CSNK1G1: variants seen among roughly 807,000 people sequenced by gnomAD.
CSNK1G1 encodes casein kinase I isoform gamma-1.
A neutral mutation model predicts 59.6 loss-of-function variants in CSNK1G1; 22 were observed. The observed-to-expected ratio is 0.37, with a 90% CI of 0.26 to 0.53. CSNK1G1 has a LOEUF of 0.53. Among genes scored for constraint, CSNK1G1 ranks in the 20% least tolerant of loss-of-function variants. CSNK1G1 has a pLI of 0.89. For missense variants in CSNK1G1, 384 were observed against 519.5 expected (o/e 0.74, Z 2.54); for synonymous variants, 179 against 177.1 (o/e 1.01, Z -0.08).
Position 64,229,902 on chromosome 15 carries a change from ATTTTTTTTTTTT to A in CSNK1G1, c.293-13201_293-13190del, listed in dbSNP as rs533868270. ...CCTATATTTTTGGGCATGTTTGTAAATTTTTTTTTTTTTTTTTTTTTTTTTTTTTTTTTTTTT... is the reference window on the plus strand; with the variant it reads ...CCTATATTTTTGGGCATGTTTGTAAATTTTTTTTTTTTTTTTTTTTTTTTT... On this transcript the variant is annotated intron_variant, in intron 4 of 11. Transcript: ENST00000303052. Among the ~76,000 whole-genome samples, 341 of 43,802 alleles carry A rather than the reference ATTTTTTTTTTTT, an allele frequency of 7.8e-3. 1 individual carries two copies. Among genetic ancestry groups the A allele is most frequent in the East Asian group, 0.022 (21 of 934 alleles). The allele number at this position is 43,802 out of a possible 152,430, so 28.7% of individuals were successfully genotyped here. A position where few individuals can be genotyped will look rare whatever the true frequency, so the allele number is the denominator to read the frequency against.
At chr15:64,347,116 G>A (rs769605119) in intron 1 of CSNK1G1, among the ~76,000 whole-genome samples, 3 of 152,216 alleles carry the variant, frequency 2.0e-5, no homozygotes, top group East Asian at 1.9e-4. Context: ...ATTAGATAAC[G>A]AGTAAAATAC....
intron 2 of CSNK1G1, among the ~76,000 whole-genome samples, chr15:64,275,929 C>T (rs1893588040): frequency 6.6e-6 from 1 of 152,044 alleles, no homozygotes; most frequent in African/African-American, 2.4e-5. Flanking sequence ...TTCTAAAAAG[C>T]AGTTTCAATT....
At chr15:64,272,460 G>A (rs893202175) in intron 2 of CSNK1G1, among the ~76,000 whole-genome samples, 3 of 151,800 alleles carry the variant, frequency 2.0e-5, no homozygotes, top group East Asian at 1.9e-4. Flanking sequence ...CTTGTGATCC[G>A]CCCACCTCGG....
intron 10 of CSNK1G1, among the ~76,000 whole-genome samples, chr15:64,202,507 A>AG (rs1229059800): frequency 6.7e-5 from 10 of 150,360 alleles, no homozygotes; most frequent in African/African-American, 2.5e-4. Context: ...ACTTATAGCT[A>AG]GTTCCCCCCA....
intron 1 of CSNK1G1, among the ~76,000 whole-genome samples, chr15:64,355,460 C>T (rs1596312836): frequency 6.6e-6 from 1 of 152,312 alleles, no homozygotes; most frequent in East Asian, 1.9e-4. Context: ...GGGAAGCGTA[C>T]GGAAGTTGGG....
chr15:64,259,294 C>A, intron 2 of CSNK1G1, 53 bp from the exon 3 acceptor site: 1 of 1,346,648 alleles, frequency 7.4e-7, no homozygotes, highest in Non-Finnish European at 1.0e-6. Context: ...CTGGGAAAAG[C>A]AAAGCAAAAT....
At chr15:64,207,759 C>T (rs1167612801) in intron 6 of CSNK1G1, among the ~76,000 whole-genome samples, 165 bp from the exon 7 acceptor site, 3 of 152,120 alleles carry the variant, frequency 2.0e-5, no homozygotes, top group Admixed American at 6.6e-5. Flanking sequence ...AACCCTAAAC[C>T]GATGTGTACT....
At chr15:64,179,237 C>A (rs1000120251) in intron 11 of CSNK1G1, among the ~76,000 whole-genome samples, 9 of 151,926 alleles carry the variant, frequency 5.9e-5, no homozygotes, top group African/African-American at 2.2e-4. Context: ...CAGAGAGAGA[C>A]CCTGTCTCAA....
intron 1 of CSNK1G1, among the ~76,000 whole-genome samples, chr15:64,325,213 A>G (rs946826333): frequency 6.6e-6 from 1 of 152,200 alleles, no homozygotes; most frequent in Non-Finnish European, 1.5e-5. Context: ...CACAATTTCA[A>G]GTGGTTGTTA....
At chr15:64,291,609 T>G (rs867346037) in intron 2 of CSNK1G1, among the ~76,000 whole-genome samples, 1 of 152,090 alleles carries the variant, frequency 6.6e-6, no homozygotes, top group African/African-American at 2.4e-5. Flanking sequence ...TAAAATAAAA[T>G]TATGTTTCAT....
chr15:64,224,744 T>C (rs760251654), intron 4 of CSNK1G1, among the ~76,000 whole-genome samples: 3 of 152,162 alleles, frequency 2.0e-5, no homozygotes, highest in East Asian at 1.9e-4. Flanking sequence ...CTGCCAAACA[T>C]AGGCTGCTAA....
chr15:64,308,203 C>G (rs1895789888), intron 1 of CSNK1G1, among the ~76,000 whole-genome samples: 1 of 152,058 alleles, frequency 6.6e-6, no homozygotes, highest in African/African-American at 2.4e-5. Flanking sequence ...TTACTTTTTT[C>G]AGTGAAAACA....
At chr15:64,263,161 G>A (rs1236911369) in intron 2 of CSNK1G1, among the ~76,000 whole-genome samples, 1 of 151,608 alleles carries the variant, frequency 6.6e-6, no homozygotes, top group Non-Finnish European at 1.5e-5. Context: ...AAGTCTTGAG[G>A]AGTCTCATCA....
chr15:64,353,747 C>T (rs1180910129), intron 1 of CSNK1G1, among the ~76,000 whole-genome samples: 1 of 151,520 alleles, frequency 6.6e-6, no homozygotes. Flanking sequence ...AGGAGGTTTG[C>T]TTGAACCCAG....
chr15:64,231,425 A>G (rs2082547553), intron 4 of CSNK1G1, among the ~76,000 whole-genome samples: 1 of 146,036 alleles, frequency 6.8e-6, no homozygotes, highest in Non-Finnish European at 1.5e-5. Flanking sequence ...ATGTATATAT[A>G]TATTAGGATA....
At chr15:64,280,693 C>T (rs994649972) in intron 2 of CSNK1G1, among the ~76,000 whole-genome samples, 3 of 151,880 alleles carry the variant, frequency 2.0e-5, no homozygotes, top group Non-Finnish European at 2.9e-5. Context: ...AGAACTGCTG[C>T]TTCTCCCTCC....
At chr15:64,335,252 C>T (rs1897327312) in intron 1 of CSNK1G1, among the ~76,000 whole-genome samples, 1 of 152,000 alleles carries the variant, frequency 6.6e-6, no homozygotes, top group Admixed American at 6.6e-5. Flanking sequence ...AAAACATAAC[C>T]TTATCTGAGA....
At chr15:64,281,701 G>A (rs1371598538) in intron 2 of CSNK1G1, among the ~76,000 whole-genome samples, 2 of 151,864 alleles carry the variant, frequency 1.3e-5, no homozygotes, top group Admixed American at 1.3e-4. Context: ...TTAGCTGGGC[G>A]TGGTGGCGAG....
intron 10 of CSNK1G1, among the ~76,000 whole-genome samples, chr15:64,192,840 TAAAAAAAAAAAAAAAAAAA>T (rs66643774): frequency 6.2e-5 from 2 of 32,226 alleles, no homozygotes; most frequent in East Asian, 1.1e-3. Flanking sequence ...GAGATCTGCC[TAAAAAAAAAAAAAAAAAAA>T]AAAAAAAAAA....
Sources: allele counts gnomAD v4.1 joint callset (sites outside exome capture counted in the v4.1 genomes callset), GRCh38; gene constraint gnomAD v4.1.1; transcripts MANE v1.5; gene names NCBI Gene and HGNC (gene_info 2026-07-23, HGNC 2026-07-21).